The following CTNND2 variants were observed in gnomAD, a reference collection of about 807,000 sequenced individuals.
The protein encoded by CTNND2 is catenin delta-2.
Under a neutral mutation model 144.4 loss-of-function variants are expected in CTNND2, and 22 were observed. That is an observed-to-expected ratio of 0.15 (90% confidence interval 0.11 to 0.22). The LOEUF is 0.22. Among genes scored for constraint, CTNND2 ranks in the 10% least tolerant of loss-of-function variants. CTNND2 has a pLI of 1.00. For synonymous variants in CTNND2, 751 were observed against 695.6 expected, an observed-to-expected ratio of 1.08 and a Z score of -1.25; for missense variants, 1,353 against 1,618.8, an observed-to-expected ratio of 0.84 and a Z score of 2.82.
chr5:11,678,903 T>A (rs1784301932), intron 2 of CTNND2, among the ~76,000 whole-genome samples: 1 of 151,852 alleles, frequency 6.6e-6, no homozygotes, highest in African/African-American at 2.4e-5. Flanking sequence ...CCACTCCACA[T>A]CTCTTACTTC....
chr5:11,893,198 A>G (rs1247701699), intron 1 of CTNND2, among the ~76,000 whole-genome samples: 4 of 152,250 alleles, frequency 2.6e-5, no homozygotes, highest in Non-Finnish European at 5.9e-5. Context: ...GTAGCAATTA[A>G]TGCATTTTAA....
At chr5:11,744,783 G>C (rs1788221431) in intron 1 of CTNND2, among the ~76,000 whole-genome samples, 1 of 151,832 alleles carries the variant, frequency 6.6e-6, no homozygotes, top group African/African-American at 2.4e-5. Flanking sequence ...GTCTCACTTT[G>C]TTGCCCAGGC....
chr5:11,839,512 T>A (rs1794344740), intron 1 of CTNND2, among the ~76,000 whole-genome samples: 1 of 152,118 alleles, frequency 6.6e-6, no homozygotes, highest in Non-Finnish European at 1.5e-5. Context: ...TGGATTTCAC[T>A]TGGGGACTTC....
chr5:11,491,079 T>C (rs1769338586), intron 3 of CTNND2, among the ~76,000 whole-genome samples: 1 of 152,176 alleles, frequency 6.6e-6, no homozygotes, highest in Non-Finnish European at 1.5e-5. Flanking sequence ...AAAAGCAAGA[T>C]GAATGTGACC....
chr5:11,651,010 A>G (rs1243252479), intron 2 of CTNND2, among the ~76,000 whole-genome samples: 2 of 152,234 alleles, frequency 1.3e-5, no homozygotes, highest in Non-Finnish European at 2.9e-5. Flanking sequence ...TTGCATAAGT[A>G]AAGAGAAGCC....
intron 20 of CTNND2, among the ~76,000 whole-genome samples, chr5:10,986,326 G>T (rs1269342126): frequency 6.6e-6 from 1 of 152,214 alleles, no homozygotes; most frequent in African/African-American, 2.4e-5. Context: ...CCTTTTGAAT[G>T]ATTCTCTTGG....
intron 2 of CTNND2, among the ~76,000 whole-genome samples, chr5:11,710,565 A>G (rs923806781): frequency 2.0e-5 from 3 of 152,002 alleles, no homozygotes; most frequent in Non-Finnish European, 4.4e-5. Flanking sequence ...AAAGACAGAA[A>G]GAAAACTGAT....
At chr5:11,154,905 TGTGTC>T (rs1203526131) in intron 12 of CTNND2, among the ~76,000 whole-genome samples, 1 of 152,210 alleles carries the variant, frequency 6.6e-6, no homozygotes, top group Non-Finnish European at 1.5e-5. Context: ...TTCTTCCCTG[TGTGTC>T]TCTCTGTGCA....
At chr5:11,723,957 T>A (rs1422311009) in intron 2 of CTNND2, among the ~76,000 whole-genome samples, 1 of 151,484 alleles carries the variant, frequency 6.6e-6, no homozygotes, top group Non-Finnish European at 1.5e-5. Context: ...TCGGGAGCTG[T>A]GGCAGAAGAA....
intron 2 of CTNND2, among the ~76,000 whole-genome samples, chr5:11,629,431 C>A (rs1268288205): frequency 6.6e-6 from 1 of 152,102 alleles, no homozygotes; most frequent in African/African-American, 2.4e-5. Flanking sequence ...CGTTAAAATT[C>A]TCCAGGTCAC....
intron 1 of CTNND2, among the ~76,000 whole-genome samples, chr5:11,873,543 C>A (rs1197118824): frequency 1.3e-5 from 2 of 152,184 alleles, no homozygotes. Flanking sequence ...GAGTTTACCA[C>A]TTTATCATAA....
intron 2 of CTNND2, among the ~76,000 whole-genome samples, chr5:11,631,534 C>CT (rs1478682396): frequency 1.3e-5 from 2 of 151,218 alleles, no homozygotes; most frequent in African/African-American, 2.5e-5. Flanking sequence ...CTGTACTCTA[C>CT]TTTGAGTGGT....
intron 2 of CTNND2, among the ~76,000 whole-genome samples, chr5:11,622,320 C>T (rs1177362696): frequency 6.6e-6 from 1 of 151,952 alleles, no homozygotes; most frequent in Non-Finnish European, 1.5e-5. Context: ...ATTTTCTTGC[C>T]AGCATAAAAC....
chr5:11,186,127 G>C (rs72730929), intron 11 of CTNND2, among the ~76,000 whole-genome samples: 2 of 152,332 alleles, frequency 1.3e-5, no homozygotes, highest in Non-Finnish European at 2.9e-5. Flanking sequence ...GATAAGCACA[G>C]ATACATCTCA....
chr5:11,162,989 C>T (rs972927251), intron 11 of CTNND2, among the ~76,000 whole-genome samples: 4 of 152,202 alleles, frequency 2.6e-5, no homozygotes, highest in African/African-American at 9.6e-5. Flanking sequence ...TCTAGGCATC[C>T]TCTGAACAAA....
At chr5:11,310,715 C>G (rs1160877495) in intron 9 of CTNND2, among the ~76,000 whole-genome samples, 1 of 151,780 alleles carries the variant, frequency 6.6e-6, no homozygotes, top group Non-Finnish European at 1.5e-5. Context: ...TGTTCCTCCT[C>G]CCTGTGAGAC....
At chr5:11,403,684 T>C (rs1184901700) in intron 5 of CTNND2, among the ~76,000 whole-genome samples, 2 of 152,218 alleles carry the variant, frequency 1.3e-5, no homozygotes, top group African/African-American at 4.8e-5. Flanking sequence ...CATAAATAGT[T>C]TAAAGAGGAT....
rs1579906952 is a variant in CTNND2 at position 10,973,222 on chromosome 5, T to A, written c.*231A>T. On this transcript the variant is annotated 3_prime_UTR_variant, in exon 22 of 22. Transcript: ENST00000304623. The surrounding 1 kb of genome is among the most constrained non-coding windows in gnomAD (Gnocchi z 5.6). ...TCTACAGCTCACGCTAGAAAGGTGC[T>A]GCCCACTGTCATATTTAGGATCACT... 6 of 488,632 alleles carry A rather than the reference T, an allele frequency of 1.2e-5. No individual in the cohort carries two copies. In the East Asian group the frequency reaches 2.0e-4, roughly 17 times the overall value. 30.3% of individuals were successfully genotyped at this position (488,632 alleles called of 1,614,324 possible). A position where few individuals can be genotyped will look rare whatever the true frequency, so the allele number is the denominator to read the frequency against.
At chr5:11,282,275 C>T (rs546884243) in intron 9 of CTNND2, among the ~76,000 whole-genome samples, 1 of 152,256 alleles carries the variant, frequency 6.6e-6, no homozygotes, top group South Asian at 2.1e-4. Context: ...TACCACAGCA[C>T]TCAGGAGAGT....
Sources: allele counts gnomAD v4.1 joint callset (sites outside exome capture counted in the v4.1 genomes callset), GRCh38; gene constraint gnomAD v4.1.1; non-coding constraint Gnocchi (gnomAD v3.1); transcripts MANE v1.5; gene names NCBI Gene and HGNC (gene_info 2026-07-23, HGNC 2026-07-21).